The following NAV2 variants were observed in gnomAD, a reference collection of about 807,000 sequenced individuals.
NAV2 encodes the protein helicase, APC down-regulated 1.
NAV2 carries 54 observed loss-of-function variants against 223.2 expected under a neutral mutation model. The observed-to-expected ratio is 0.24, with a 90% CI of 0.19 to 0.30. The LOEUF is 0.30. NAV2 is among the 10% of genes least tolerant of loss of function. NAV2 has a pLI of 1.00. For missense variants in NAV2, 2,806 were observed against 3,147.5 expected, an observed-to-expected ratio of 0.89 and a Z score of 2.60; for synonymous variants, 1,279 against 1,239.3, an observed-to-expected ratio of 1.03 and a Z score of -0.67.
At chr11:19,754,329 T>A (rs918231852) in intron 1 of NAV2, among the ~76,000 whole-genome samples, 3 of 152,220 alleles carry the variant, frequency 2.0e-5, no homozygotes, top group Non-Finnish European at 4.4e-5. Context: ...GGGAACACAC[T>A]GCACAAAGTT....
At position 20,075,218 on chromosome 11, in the gene NAV2, TTTTG is replaced by T. The variant is rs774114962; in HGVS notation, c.4984-2330_4984-2327del. On this transcript the variant is annotated intron_variant, in intron 22 of 37. Coordinates refer to ENST00000349880, the MANE Select transcript of NAV2 (RefSeq NM_145117.5). The stretch of plus-strand genomic sequence containing the variant: ...TGTCTCCATGTTTTTTGTTTTTTTG[TTTTG>T]TTTTTTTTTTTTTTGAGACAGAGTC... 6.1e-3 allele frequency among the ~76,000 whole-genome samples: 641 copies of T among 104,678 alleles called. 4 individuals carry two copies. The highest frequency in any genetic ancestry group is 0.028 in the African/African-American group (545 of 19,228). 68.7% of individuals were successfully genotyped at this position (104,678 alleles called of 152,430 possible). A position where few individuals can be genotyped will look rare whatever the true frequency, so the allele number is the denominator to read the frequency against.
chr11:19,737,537 G>T (rs557473966), intron 1 of NAV2, among the ~76,000 whole-genome samples: 2 of 152,290 alleles, frequency 1.3e-5, no homozygotes, highest in Admixed American at 1.3e-4. Context: ...GTATAACCTG[G>T]CAATTGCAAT....
At chr11:19,786,645 G>A (rs1004889949) in intron 1 of NAV2, among the ~76,000 whole-genome samples, 1 of 152,218 alleles carries the variant, frequency 6.6e-6, no homozygotes, top group East Asian at 1.9e-4. Flanking sequence ...TGACTTGGGT[G>A]TGGAGAAGGA....
chr11:20,095,583 C>T (rs1017777359), intron 29 of NAV2, 89 bp from the exon 30 acceptor site: 79 of 855,882 alleles, frequency 9.2e-5, no homozygotes, highest in Non-Finnish European at 8.6e-5. Flanking sequence ...AAACCATTGG[C>T]GGAGTTCTAA....
At chr11:20,014,020 C>T (rs1007612887) in intron 11 of NAV2, among the ~76,000 whole-genome samples, 1 of 152,206 alleles carries the variant, frequency 6.6e-6, no homozygotes, top group South Asian at 2.1e-4. Flanking sequence ...GCGCATCCTA[C>T]AACATGAGGG....
chr11:19,446,099 C>A lies in NAV2; in HGVS notation c.75+95072C>A, dbSNP rs114089202. Among the ~76,000 whole-genome samples, 788 of 152,244 alleles carry A rather than the reference C, an allele frequency of 5.2e-3. 6 individuals carry two copies. The highest frequency in any genetic ancestry group is 0.018 in the African/African-American group (757 of 41,544). On this transcript the variant is annotated intron_variant, in intron 1 of 37. Coordinates refer to the NAV2 transcript ENST00000360655. ...TTCCAGATCTTAGTTTGCTCAGTCT[C>A]ATCTATAGAATTTCTTCAGGAAACA...
At chr11:19,944,488 C>G (rs2046675564) in intron 8 of NAV2, among the ~76,000 whole-genome samples, 1 of 147,386 alleles carries the variant, frequency 6.8e-6, no homozygotes, top group Non-Finnish European at 1.5e-5. Flanking sequence ...CTCCTTTCCC[C>G]TTTCCCCTTT....
At chr11:19,355,478 T>C (rs574737913) in intron 1 of NAV2, among the ~76,000 whole-genome samples, 1 of 152,216 alleles carries the variant, frequency 6.6e-6, no homozygotes, top group South Asian at 2.1e-4. Flanking sequence ...TAATATACTA[T>C]CATATTTGCC....
chr11:19,397,827 G>C (rs1849523187), intron 1 of NAV2, among the ~76,000 whole-genome samples: 1 of 152,120 alleles, frequency 6.6e-6, no homozygotes, highest in Non-Finnish European at 1.5e-5. Flanking sequence ...GGGAGGACTG[G>C]ACTATATATG....
At chr11:19,480,640 G>C (rs2042249920) in intron 1 of NAV2, among the ~76,000 whole-genome samples, 1 of 152,210 alleles carries the variant, frequency 6.6e-6, no homozygotes, top group African/African-American at 2.4e-5. Context: ...ATGAATGTCA[G>C]TTTTAATCAG....
At chr11:19,359,087 T>C (rs1853785922) in intron 1 of NAV2, among the ~76,000 whole-genome samples, 1 of 152,212 alleles carries the variant, frequency 6.6e-6, no homozygotes. Context: ...ACATTCCAAA[T>C]GAGAGGGTAA....
intron 11 of NAV2, among the ~76,000 whole-genome samples, chr11:19,989,914 T>C (rs1430434609): frequency 6.6e-6 from 1 of 152,204 alleles, no homozygotes; most frequent in Non-Finnish European, 1.5e-5. Context: ...AGAGATTCCC[T>C]AATTTTGAGT....
At chr11:19,882,731 G>A (rs1403659636) in intron 5 of NAV2, among the ~76,000 whole-genome samples, 4 of 152,196 alleles carry the variant, frequency 2.6e-5, no homozygotes, top group Non-Finnish European at 5.9e-5. Flanking sequence ...ACTTACTTGA[G>A]TCAGGTTTTT....
chr11:19,804,331 A>G (rs767340896), intron 1 of NAV2, among the ~76,000 whole-genome samples: 3 of 152,238 alleles, frequency 2.0e-5, no homozygotes, highest in Non-Finnish European at 4.4e-5. Flanking sequence ...CACATACCTC[A>G]GTGCAGTGGC....
At chr11:19,619,649 T>C (rs550331689) in intron 1 of NAV2, among the ~76,000 whole-genome samples, 1 of 152,364 alleles carries the variant, frequency 6.6e-6, no homozygotes, top group Non-Finnish European at 1.5e-5. Context: ...CTTTGTAGAT[T>C]CTGGATATTA....
intron 1 of NAV2, among the ~76,000 whole-genome samples, chr11:19,776,608 G>GT (rs139486266): frequency 0.043 from 4,596 of 106,088 alleles, 270 homozygotes; most frequent in African/African-American, 0.11. Flanking sequence ...GTGTGTGTGT[G>GT]GTTAGAGTTG....
chr11:19,769,166 A>T (rs1320704708), intron 1 of NAV2, among the ~76,000 whole-genome samples: 1 of 152,218 alleles, frequency 6.6e-6, no homozygotes, highest in Non-Finnish European at 1.5e-5. Flanking sequence ...CCAGGTTATC[A>T]TGAGTTCTTG....
At position 20,062,307 on chromosome 11, in the gene NAV2, T is replaced by A. The variant is rs981823346; in HGVS notation, c.4832T>A (p.Val1611Asp). The change falls in exon 20 of 38, where the codon GTT becomes GAT. Residue 1611 changes from valine to aspartate, a missense_variant and splice_region_variant. By Grantham distance (152) the Val-to-Asp change is radical. Coordinates refer to ENST00000349880, the MANE Select transcript of NAV2 (RefSeq NM_145117.5). The part of the protein sequence containing the change: ...SGSFRDGFEE[V>D]HGSSLSLVSS... Reference sequence around the variant, plus strand: ...TCACCTTTTTTTTTTCTTTTAATAGTTCATGGATCCTCACTCTCCTTGGTT... The same window carrying A: ...TCACCTTTTTTTTTTCTTTTAATAGATCATGGATCCTCACTCTCCTTGGTT... 1 of 1,609,304 alleles carries A rather than the reference T, an allele frequency of 6.2e-7. No individual in the cohort carries two copies. The highest frequency in any genetic ancestry group is 1.3e-5 in the African/African-American group (1 of 74,910).
intron 1 of NAV2, among the ~76,000 whole-genome samples, chr11:19,397,451 G>T (rs543400679): frequency 1.3e-5 from 2 of 151,104 alleles, no homozygotes; most frequent in Non-Finnish European, 2.9e-5. Context: ...TACTGTTCTT[G>T]TGTCTGCCTC....
Sources: gnomAD v4.1 joint callset for allele counts (sites outside exome capture counted in the v4.1 genomes callset) on GRCh38, gnomAD v4.1.1 for gene constraint, MANE v1.5 for transcripts, NCBI Gene and HGNC (gene_info 2026-07-23, HGNC 2026-07-21) for gene names.